Variants in C12orf42 observed in about 807,000 individuals in gnomAD.
C12orf42 encodes chromosome 12 open reading frame 42, also known as uncharacterized protein C12orf42.
A neutral mutation model predicts 21.6 loss-of-function variants in C12orf42; 25 were observed. That is an observed-to-expected ratio of 1.16 (90% CI 0.84 to 1.62). The LOEUF (loss-of-function observed/expected upper bound fraction) is 1.62. Ranked by LOEUF, C12orf42 falls within the 40% of genes most tolerant of loss-of-function variation. The probability of loss-of-function intolerance (pLI) is 0.00; values close to 1 mark genes in which losing one functional copy is unlikely to be tolerated. For synonymous variants in C12orf42, 174 were observed against 175.0 expected (o/e 0.99, Z 0.05); for missense variants, 483 against 459.3 (o/e 1.05, Z -0.47).
At chr12:103,157,467 C>CT in the C12orf42 span, among the ~76,000 whole-genome samples, 1 of 152,046 alleles carries the variant, frequency 6.6e-6, no homozygotes, top group Non-Finnish European at 1.5e-5. Context: ...TCCAGAAGCT[C>CT]TTTAATTAGA....
At chr12:103,465,381 C>G (rs1287740011) in intron 2 of C12orf42, among the ~76,000 whole-genome samples, 1 of 152,090 alleles carries the variant, frequency 6.6e-6, no homozygotes, top group African/African-American at 2.4e-5. Flanking sequence ...GGAGATGATT[C>G]ATTATTTGGC....
intron 10 of C12orf42, among the ~76,000 whole-genome samples, chr12:103,250,220 C>A (rs2034231293): frequency 2.6e-5 from 4 of 151,898 alleles, no homozygotes; most frequent in African/African-American, 9.7e-5. Flanking sequence ...CTGAGATAGG[C>A]CTTGCTTCAG....
At chr12:103,519,525 A>G in the C12orf42 span, among the ~76,000 whole-genome samples, 30 of 152,160 alleles carry the variant, frequency 2.0e-4, no homozygotes, top group Non-Finnish European at 3.2e-4. Context: ...CTATTTCCTC[A>G]TCCACAGAAT....
chr12:103,238,498 T>A (rs147592864), intron 10 of C12orf42, among the ~76,000 whole-genome samples: 69 of 152,294 alleles, frequency 4.5e-4, no homozygotes, highest in African/African-American at 1.6e-3. Flanking sequence ...ACACTAGAGT[T>A]TGGGCACCAC....
chr12:103,054,638 A>G, the C12orf42 span, among the ~76,000 whole-genome samples: 2 of 151,902 alleles, frequency 1.3e-5, no homozygotes, highest in Admixed American at 1.3e-4. Context: ...GAAAGCAGGT[A>G]TCTTTGCCTT....
downstream of C12orf42, among the ~76,000 whole-genome samples, chr12:103,236,946 G>A (rs76112411): frequency 0.015 from 2,289 of 152,250 alleles, 25 homozygotes; most frequent in African/African-American, 0.014. Flanking sequence ...GCAGCATATC[G>A]TAGGTAGGGT....
downstream of C12orf42, among the ~76,000 whole-genome samples, chr12:103,297,422 A>G (rs1773808252): frequency 6.6e-6 from 1 of 152,264 alleles, no homozygotes; most frequent in Non-Finnish European, 1.5e-5. Context: ...GAATCTCTGA[A>G]TAGACCAATA....
chr12:103,096,973 T>C, the C12orf42 span, among the ~76,000 whole-genome samples: 13 of 152,164 alleles, frequency 8.5e-5, no homozygotes, highest in African/African-American at 2.7e-4. Context: ...GTGATGTTGA[T>C]AGGCAAACAA....
At chr12:103,111,364 A>C in the C12orf42 span, among the ~76,000 whole-genome samples, 2 of 152,208 alleles carry the variant, frequency 1.3e-5, no homozygotes, top group African/African-American at 4.8e-5. Context: ...TGGAATTCCT[A>C]CTAGTTGGTT....
At chr12:103,316,057 C>T (rs917197087) in intron 4 of C12orf42, among the ~76,000 whole-genome samples, 24 of 145,566 alleles carry the variant, frequency 1.6e-4, no homozygotes, top group Non-Finnish European at 2.3e-4. Context: ...TATATATATA[C>T]ACACACACAC....
the C12orf42 span, among the ~76,000 whole-genome samples, chr12:103,179,846 A>G: frequency 3.3e-5 from 5 of 152,230 alleles, no homozygotes; most frequent in Admixed American, 6.5e-5. Context: ...TGTAAAATGT[A>G]TGTCAGGCAA....
the C12orf42 span, among the ~76,000 whole-genome samples, chr12:103,080,399 T>C: frequency 6.6e-6 from 1 of 152,180 alleles, no homozygotes; most frequent in African/African-American, 2.4e-5. Context: ...ACTAAACCAT[T>C]GTATTTAAAT....
intron 3 of C12orf42, among the ~76,000 whole-genome samples, chr12:103,399,864 A>G (rs185139468): frequency 4.3e-4 from 65 of 152,214 alleles, no homozygotes; most frequent in Non-Finnish European, 6.9e-4. Flanking sequence ...CACATACACA[A>G]TACAGGTTAT....
intron 1 of C12orf42, among the ~76,000 whole-genome samples, chr12:103,480,580 A>AATACTAGTTTCT: frequency 6.6e-6 from 1 of 151,668 alleles, no homozygotes; most frequent in South Asian, 2.1e-4. Flanking sequence ...ATTTTCTTCT[A>AATACTAGTTTCT]ATACTACTTT....
chr12:103,552,727 C>A, the C12orf42 span, among the ~76,000 whole-genome samples: 1 of 152,076 alleles, frequency 6.6e-6, no homozygotes, highest in African/African-American at 2.4e-5. Context: ...ATATTTGAGG[C>A]TGTTATTAGT....
chr12:103,464,051 T>C (rs1185227825), intron 2 of C12orf42, among the ~76,000 whole-genome samples: 4 of 152,220 alleles, frequency 2.6e-5, no homozygotes, highest in Non-Finnish European at 5.9e-5. Flanking sequence ...GCATGTGTTT[T>C]TGTAATAGAA....
chr12:103,280,344 G>T (rs1402809217), intron 4 of C12orf42, among the ~76,000 whole-genome samples: 2 of 152,118 alleles, frequency 1.3e-5, no homozygotes, highest in Admixed American at 1.3e-4. Flanking sequence ...GGGGCCGGGT[G>T]CGGTGGTTCA....
chr12:103,277,399 A>G (rs1375476889), intron 4 of C12orf42, among the ~76,000 whole-genome samples: 1 of 152,158 alleles, frequency 6.6e-6, no homozygotes, highest in African/African-American at 2.4e-5. Context: ...TGTTTGGTTA[A>G]ACTATCGTAT....
chr12:103,304,676 A>G (rs926443320), intron 5 of C12orf42, among the ~76,000 whole-genome samples: 1 of 152,218 alleles, frequency 6.6e-6, no homozygotes, highest in African/African-American at 2.4e-5. Context: ...GAGGATCAAA[A>G]CTGAAGATGT....
Sources: gnomAD v4.1 joint callset for allele counts (sites outside exome capture counted in the v4.1 genomes callset) on GRCh38, gnomAD v4.1.1 for gene constraint, MANE v1.5 for transcripts, NCBI Gene and HGNC (gene_info 2026-07-23, HGNC 2026-07-21) for gene names.